Variants in TIMM44 observed in about 807,000 individuals in gnomAD.
TIMM44 encodes mitochondrial import inner membrane translocase subunit TIM44.
In TIMM44, 37 loss-of-function variants were observed where a neutral mutation model predicts 63.8. The observed-to-expected ratio is 0.58, with a 90% CI of 0.45 to 0.76. The LOEUF (loss-of-function observed/expected upper bound fraction) is 0.76. TIMM44 is among the 30% of genes least tolerant of loss of function. The pLI is 0.00. For missense variants in TIMM44, 573 were observed against 603.8 expected (o/e 0.95, Z 0.54); for synonymous variants, 239 against 245.1 (o/e 0.98, Z 0.23).
chr19:7,937,796 T>C (rs1455597518), intron 3 of TIMM44: 2 of 485,268 alleles, frequency 4.1e-6, no homozygotes, highest in Non-Finnish European at 7.5e-6. Flanking sequence ...GGCGGGCGGA[T>C]CACTTGAGGT....
chr19:7,936,386 A>C (rs151092116), intron 3 of TIMM44, among the ~76,000 whole-genome samples: 1 of 152,078 alleles, frequency 6.6e-6, no homozygotes. Flanking sequence ...AGGGAGGCGG[A>C]GGTTGCAGTG....
At chr19:7,931,421 G>A (rs1743058263) in intron 9 of TIMM44, 3 of 551,112 alleles carry the variant, frequency 5.4e-6, no homozygotes, top group East Asian at 3.1e-5. Flanking sequence ...GCCTGCGGGC[G>A]ACCACCCAGG....
chr19:7,942,278 A>G (rs1199034978), intron 1 of TIMM44, among the ~76,000 whole-genome samples: 1 of 152,150 alleles, frequency 6.6e-6, no homozygotes, highest in Non-Finnish European at 1.5e-5. Context: ...GGGTGCAGTG[A>G]GCCGAGATCT....
In TIMM44 at chr19:7,928,090, A is replaced by G. The variant is rs767657869; in HGVS notation, c.1115T>C (p.Ile372Thr). The change falls in exon 11 of 13, where the codon ATT (isoleucine) becomes ACT (threonine). Residue 372 changes from isoleucine (I) to threonine (T), a missense_variant. Ile to Thr is a moderately conservative substitution (Grantham distance 89). Coordinates refer to ENST00000270538, the MANE Select transcript of TIMM44 (RefSeq NM_006351.4). ...GLQFHSRILD[I>T]DNVDLAMGKM... ...CGAGGTGCTTACGTCGACGTTGTCA[A>G]TGTCTAGGATGCGAGAATGGAACTG... 1 of 1,613,940 alleles carries G rather than the reference A, an allele frequency of 6.2e-7. No homozygotes were observed. The highest frequency in any genetic ancestry group is 1.1e-5 in the South Asian group (1 of 91,056).
chr19:7,942,684 G>A (rs1027273013), intron 1 of TIMM44, among the ~76,000 whole-genome samples: 15 of 145,822 alleles, frequency 1.0e-4, no homozygotes, highest in South Asian at 2.2e-4. Context: ...TTTTTGAGAC[G>A]GAGTCTCCCT....
rs1599648923 is a variant in TIMM44, at chr19:7,934,084, C to T, written c.543+5G>A. 6.2e-7 allele frequency: 1 copy of T among 1,613,180 alleles called. No individual in the cohort carries two copies. The highest frequency in any genetic ancestry group is 8.5e-7 in the Non-Finnish European group (1 of 1,179,992). ...CTGCATGCCCTAGCCCAGGACTGGG[C>T]TCACCTGGGAGAGGGCTCTGAAGGC... On this transcript the variant is annotated splice_donor_5th_base_variant and intron_variant, in intron 5 of 12. Transcript: ENST00000270538. The surrounding 1 kb of genome is among the most constrained non-coding windows in gnomAD (Gnocchi z 5.3).
intron 1 of TIMM44, among the ~76,000 whole-genome samples, chr19:7,941,516 G>C (rs1984311890): frequency 6.6e-6 from 1 of 151,884 alleles, no homozygotes; most frequent in South Asian, 2.1e-4. Flanking sequence ...TCGAACTCCT[G>C]ACCTCAGGTG....
At chr19:7,927,851 T>C in intron 11 of TIMM44, 84 bp from the exon 12 acceptor site, 1 of 1,415,662 alleles carries the variant, frequency 7.1e-7, no homozygotes, top group Admixed American at 1.8e-5. Flanking sequence ...GCCTAGGCCC[T>C]GCTAGGAGAA....
chr19:7,930,913 G>A (rs2145173362), intron 10 of TIMM44, among the ~76,000 whole-genome samples: 1 of 152,176 alleles, frequency 6.6e-6, no homozygotes, highest in South Asian at 2.1e-4. Flanking sequence ...ACTGGCGGGT[G>A]ACCCGGTGTC....
At position 7,927,736 on chromosome 19, in the gene TIMM44, G is replaced by A. The variant is rs780253856; in HGVS notation, c.1160C>T (p.Pro387Leu). Residue 387 changes from proline (P) to leucine (L), a missense_variant, in exon 12 of 13, where the codon CCG becomes CTG. Physicochemically the swap from Pro to Leu is moderately conservative, Grantham distance 98. Transcript: ENST00000270538. The stretch of plus-strand genomic sequence containing the variant: ...TGCCTGGAAGGTGATGATCAGCACC[G>A]GCCCCTGCTCCATCATCTTGCCCAT... ...LAMGKMMEQG[P>L]VLIITFQAQL... The A allele has an allele frequency of 5.6e-6, 9 of 1,612,660 alleles. No homozygotes were observed. The highest frequency in any genetic ancestry group is 2.2e-5 in the South Asian group (2 of 91,084).
chr19:7,936,561 C>T (rs1422336993), intron 3 of TIMM44, among the ~76,000 whole-genome samples: 1 of 152,244 alleles, frequency 6.6e-6, no homozygotes. Context: ...CTCAGCTGCT[C>T]ATTGGTAAAA....
In TIMM44 at chr19:7,927,916, C is replaced by T. The variant is rs2145170433; in HGVS notation, c.1129-149G>A. On this transcript the variant is annotated intron_variant, in intron 11 of 12. Transcript: ENST00000270538. ...CTCCCCGTGGGCCTTGCCTCTCAGG[C>T]CAGGACCAGGCCTCCCTCGAGACCC... is the stretch of plus-strand genomic sequence containing the variant. 8 of 1,090,696 alleles carry T rather than the reference C, an allele frequency of 7.3e-6. No homozygotes were observed. The East Asian group carries it at 1.8e-4, about 25-fold the overall frequency. The allele number at this position is 1,090,696 out of a possible 1,614,324, so 67.6% of individuals were successfully genotyped here.
At chr19:7,929,157 G>A (rs547166377) in intron 10 of TIMM44, among the ~76,000 whole-genome samples, 132 of 152,280 alleles carry the variant, frequency 8.7e-4, no homozygotes, top group African/African-American at 3.1e-3. Context: ...AGGGTGAGAT[G>A]AGGTGGCCTG....
chr19:7,940,882 T>C (rs1984288657), intron 2 of TIMM44, among the ~76,000 whole-genome samples: 1 of 151,904 alleles, frequency 6.6e-6, no homozygotes. Context: ...GACAGCACCT[T>C]ATCCCCTTAC....
intron 9 of TIMM44, 68 bp from the exon 10 acceptor site, chr19:7,931,256 G>T: frequency 1.4e-6 from 2 of 1,451,532 alleles, no homozygotes; most frequent in South Asian, 2.3e-5. Context: ...GAGGTCCTGG[G>T]AACATTCTCC....
chr19:7,933,781 G>A lies in TIMM44; in HGVS notation c.683+83C>T, dbSNP rs1984055887. The stretch of plus-strand genomic sequence containing the variant: ...CAAACTCAAGAAACGGACTCAGGAG[G>A]GAACCATTGGTGGGCTCCCGAAATG... On this transcript the variant is annotated intron_variant, in intron 6 of 12. Coordinates refer to ENST00000270538, the MANE Select transcript of TIMM44 (RefSeq NM_006351.4). This position sits in a 1 kb window ranked among gnomAD's most constrained non-coding sequence, Gnocchi z 4.3. The A allele has an allele frequency of 1.7e-5, 27 of 1,588,844 alleles. No individual in the cohort carries two copies. Among genetic ancestry groups the A allele is most frequent in the Non-Finnish European group, 2.2e-5 (26 of 1,162,056 alleles).
In TIMM44 at chr19:7,930,991, C is replaced by A. The variant is rs867020345; in HGVS notation, c.1038+147G>T. On this transcript the variant is annotated intron_variant, in intron 10 of 12. Coordinates refer to ENST00000270538, the MANE Select transcript of TIMM44 (RefSeq NM_006351.4). Reference sequence around the variant, plus strand: ...GGGGCAGGGGGGGATGTCAGGCTCTCGGAGGGTGAGACGTGAGGATTCCCC... The same window carrying A: ...GGGGCAGGGGGGGATGTCAGGCTCTAGGAGGGTGAGACGTGAGGATTCCCC... 37 of 694,648 alleles carry A rather than the reference C, an allele frequency of 5.3e-5. No individual in the cohort carries two copies. The Middle Eastern group carries it at 7.1e-3, about 133-fold the overall frequency. 43.0% of individuals were successfully genotyped at this position (694,648 alleles called of 1,614,324 possible).
At chr19:7,927,877 C>T (rs1027562699) in intron 11 of TIMM44, 110 bp from the exon 12 acceptor site, 26 of 1,229,182 alleles carry the variant, frequency 2.1e-5, no homozygotes, top group Non-Finnish European at 3.0e-5. Flanking sequence ...CAGCACCAGG[C>T]CCAGCACCGG....
At position 7,933,935 on chromosome 19, in the gene TIMM44, G is replaced by A. The variant is rs772115844; in HGVS notation, c.612C>T (p.Pro204=). Residue 204 remains proline (P), a synonymous_variant, in exon 6 of 13, where the codon CCC becomes CCT. Transcript: ENST00000270538. The surrounding 1 kb of genome is among the most constrained non-coding windows in gnomAD (Gnocchi z 4.3). ...ACTCCGTTCTCTTCCGGAGTCGCTG[G>A]GGCCTCCGGTAGGGCCCGGTCTGTC... ...VLGQTGPYRR[P]QRLRKRTEFA... 1.2e-6 allele frequency: 2 copies of A among 1,614,144 alleles called. No homozygotes were observed. Among genetic ancestry groups the A allele is most frequent in the Non-Finnish European group, 1.7e-6 (2 of 1,180,026 alleles).
Sources: allele counts gnomAD v4.1 joint callset (sites outside exome capture counted in the v4.1 genomes callset), GRCh38; gene constraint gnomAD v4.1.1; non-coding constraint Gnocchi (gnomAD v3.1); transcripts MANE v1.5; gene names NCBI Gene and HGNC (gene_info 2026-07-23, HGNC 2026-07-21).